Variants in MAP4K4 observed in about 807,000 individuals in gnomAD.
The protein encoded by MAP4K4 is HPK/GCK-like kinase HGK.
Under a neutral mutation model 189.6 loss-of-function variants are expected in MAP4K4, and 38 were observed. The ratio of observed to expected loss-of-function variants is 0.20; its 90% CI spans 0.15 to 0.26. MAP4K4 has a LOEUF of 0.26. Ranked by LOEUF, MAP4K4 falls within the 10% of genes least tolerant of loss-of-function variation. The probability of loss-of-function intolerance (pLI) is 1.00; values close to 1 mark genes in which losing one functional copy is unlikely to be tolerated. For missense variants in MAP4K4, 1,054 were observed against 1,726.9 expected, an observed-to-expected ratio of 0.61 and a Z score of 6.91; for synonymous variants, 610 against 624.3, an observed-to-expected ratio of 0.98 and a Z score of 0.34.
At chr2:101,870,512 C>T (rs1209594708) in intron 23 of MAP4K4, 97 bp downstream of exon 23, 25 of 1,513,994 alleles carry the variant, frequency 1.7e-5, no homozygotes, top group Non-Finnish European at 2.2e-5. Context: ...CCATCATCAT[C>T]TGTTTTCATG....
At chr2:101,831,060 G>C (rs887366462) in intron 6 of MAP4K4, among the ~76,000 whole-genome samples, 1 of 152,178 alleles carries the variant, frequency 6.6e-6, no homozygotes, top group African/African-American at 2.4e-5. Context: ...GATAGTGTTG[G>C]CAGGGAGTGA....
chr2:101,860,527 C>T (rs1220197225), intron 15 of MAP4K4: 1 of 243,592 alleles, frequency 4.1e-6, no homozygotes, highest in African/African-American at 2.3e-5. Context: ...GGTTTAGTTG[C>T]TTGTGACAGA....
chr2:101,883,414 C>T (rs920492111), intron 28 of MAP4K4, among the ~76,000 whole-genome samples: 2 of 152,152 alleles, frequency 1.3e-5, no homozygotes, highest in African/African-American at 4.8e-5. Flanking sequence ...TCACTGCAAC[C>T]TCCACCTCCC....
intron 6 of MAP4K4, among the ~76,000 whole-genome samples, chr2:101,831,305 A>T (rs967122605): frequency 6.6e-6 from 1 of 152,034 alleles, no homozygotes; most frequent in Admixed American, 6.5e-5. Flanking sequence ...TGAAATTCTT[A>T]TCTTTATGGT....
chr2:101,849,953 G>A (rs2097229343), intron 12 of MAP4K4, among the ~76,000 whole-genome samples: 1 of 152,108 alleles, frequency 6.6e-6, no homozygotes, highest in Non-Finnish European at 1.5e-5. Context: ...TCTGCTACTT[G>A]TAATTTGAAC....
intron 11 of MAP4K4, 89 bp downstream of exon 11, chr2:101,842,770 A>G (rs768079682): frequency 1.7e-4 from 153 of 891,476 alleles, no homozygotes; most frequent in Non-Finnish European, 2.3e-4. Context: ...CCTGTGTGGT[A>G]CAAAGAATCT....
exon 33 of MAP4K4, chr2:101,892,870 T>G (rs2098589724): frequency 4.4e-6 from 2 of 456,304 alleles, no homozygotes; most frequent in Non-Finnish European, 8.8e-6. Context: ...CAGGAAAGGA[T>G]CAGGACTCCA....
intron 12 of MAP4K4, among the ~76,000 whole-genome samples, chr2:101,851,497 T>C (rs1194888337): frequency 6.6e-6 from 1 of 152,120 alleles, no homozygotes; most frequent in Non-Finnish European, 1.5e-5. Flanking sequence ...GATATTTTCT[T>C]TTGAAGTTCT....
intron 3 of MAP4K4, among the ~76,000 whole-genome samples, chr2:101,818,772 A>G (rs1489555062): frequency 6.6e-6 from 1 of 151,962 alleles, no homozygotes; most frequent in Admixed American, 6.6e-5. Context: ...CTCATCTCCT[A>G]GTCAGGTCCT....
intron 12 of MAP4K4, among the ~76,000 whole-genome samples, chr2:101,844,952 T>A (rs2097048870): frequency 6.6e-6 from 1 of 151,924 alleles, no homozygotes; most frequent in African/African-American, 2.4e-5. Flanking sequence ...ATAAAAAAGA[T>A]AAGATTTGGA....
At chr2:101,861,061 TCA>T (rs2097641239) in intron 16 of MAP4K4, 75 bp downstream of exon 16, 1 of 1,378,136 alleles carries the variant, frequency 7.3e-7, no homozygotes, top group Non-Finnish European at 9.7e-7. Flanking sequence ...TGCTGTAATA[TCA>T]CAGTTTAGTT....
intron 11 of MAP4K4, among the ~76,000 whole-genome samples, chr2:101,843,887 C>T (rs2097003328): frequency 6.6e-6 from 1 of 152,112 alleles, no homozygotes. Context: ...ACATCTAGGA[C>T]AGCATTTTAA....
At chr2:101,750,964 C>G (rs1468866968) in intron 2 of MAP4K4, among the ~76,000 whole-genome samples, 1 of 152,052 alleles carries the variant, frequency 6.6e-6, no homozygotes, top group Non-Finnish European at 1.5e-5. Context: ...TATCTTTTCA[C>G]TTCCTTCTGT....
At chr2:101,776,523 C>T (rs1198738287) in intron 2 of MAP4K4, among the ~76,000 whole-genome samples, 1 of 150,982 alleles carries the variant, frequency 6.6e-6, no homozygotes, top group Non-Finnish European at 1.5e-5. Flanking sequence ...AAATATACAG[C>T]TTTCTAATTT....
chr2:101,704,549 A>T (rs1337608883), intron 2 of MAP4K4, among the ~76,000 whole-genome samples: 1 of 66,956 alleles, frequency 1.5e-5, no homozygotes, highest in African/African-American at 7.3e-5. Flanking sequence ...GTGTATATAT[A>T]TATATATATA....
intron 2 of MAP4K4, among the ~76,000 whole-genome samples, chr2:101,708,100 A>G (rs1248352908): frequency 6.6e-6 from 1 of 152,122 alleles, no homozygotes; most frequent in Non-Finnish European, 1.5e-5. Context: ...GCCTCTGACC[A>G]TCCACTTTTT....
intron 23 of MAP4K4, 94 bp downstream of exon 23, chr2:101,870,509 C>A: frequency 2.0e-6 from 3 of 1,512,464 alleles, no homozygotes; most frequent in South Asian, 1.3e-5. Context: ...TCTCCATCAT[C>A]ATCTGTTTTC....
At chr2:101,836,044 C>A in intron 9 of MAP4K4, 66 bp downstream of exon 9, 2 of 1,217,266 alleles carry the variant, frequency 1.6e-6, no homozygotes, top group Non-Finnish European at 2.4e-6. Context: ...TTTAGTTATA[C>A]TTTCCTCTGA....
At chr2:101,701,515 G>T (rs2038736054) in intron 2 of MAP4K4, among the ~76,000 whole-genome samples, 1 of 152,164 alleles carries the variant, frequency 6.6e-6, no homozygotes, top group Non-Finnish European at 1.5e-5. Flanking sequence ...TGGAATTGGG[G>T]ATCCCTGAGA....
Sources: allele counts gnomAD v4.1 joint callset (sites outside exome capture counted in the v4.1 genomes callset), GRCh38; gene constraint gnomAD v4.1.1; transcripts MANE v1.5; gene names NCBI Gene and HGNC (gene_info 2026-07-23, HGNC 2026-07-21).